The following ATAD2 variants were observed in gnomAD, a reference collection of about 807,000 sequenced individuals.
ATAD2 encodes ATPase family AAA domain-containing protein 2.
In ATAD2, 62 loss-of-function variants were observed where a neutral mutation model predicts 168.9. The ratio of observed to expected loss-of-function variants is 0.37; its 90% confidence interval spans 0.30 to 0.45. ATAD2 has a LOEUF of 0.45. ATAD2 is among the 20% of genes least tolerant of loss of function. The pLI is 1.00. For missense variants in ATAD2, 1,419 were observed against 1,667.8 expected (o/e 0.85, Z 2.60); for synonymous variants, 613 against 571.6 (o/e 1.07, Z -1.03).
intron 13 of ATAD2, among the ~76,000 whole-genome samples, chr8:123,351,994 C>T (rs543369478): frequency 3.1e-4 from 47 of 152,194 alleles, no homozygotes; most frequent in Non-Finnish European, 3.5e-4. Context: ...GTGATCCACC[C>T]GCCTTGGCCT....
In ATAD2 at chr8:123,322,975, C is replaced by T. The variant is rs111422836; in HGVS notation, c.4094G>A (p.Arg1365Gln). ...LYAVISQCIYRHRKDHDKTSL... is the reference protein window; with the variant it reads ...LYAVISQCIYQHRKDHDKTSL... ...TGTTTTATCATGGTCCTTGCGATGC[C>T]GATAAATACATTGGCTGATTACTGC... Residue 1365 changes from arginine (R) to glutamine (Q), a missense_variant, in exon 27 of 28, where the codon CGG becomes CAG. Transcript: ENST00000287394. 5.8e-5 allele frequency: 93 copies of T among 1,613,518 alleles called. No homozygotes were observed. Among genetic ancestry groups the T allele is most frequent in the Admixed American group, 8.3e-5 (5 of 59,970 alleles).
chr8:123,411,684 C>T lies in ATAD2; in HGVS notation c.-2282+4564G>A, dbSNP rs142773020. ...TAAACCCAGGCATTTGAGCTGGCAA[C>T]GGCAACCCCCTTTGGGTCCCCTCCC... is the stretch of plus-strand genomic sequence containing the variant. On this transcript the variant is annotated intron_variant, in intron 1 of 28. Coordinates refer to the ATAD2 transcript ENST00000521903. Among the ~76,000 whole-genome samples, 380 of 152,218 alleles carry T rather than the reference C, an allele frequency of 2.5e-3. 3 individuals carry two copies. Among genetic ancestry groups the T allele is most frequent in the African/African-American group, 8.4e-3 (350 of 41,508 alleles).
chr8:123,382,053 C>T (rs1829508323), intron 1 of ATAD2, among the ~76,000 whole-genome samples: 1 of 152,092 alleles, frequency 6.6e-6, no homozygotes, highest in East Asian at 1.9e-4. Context: ...CACAAACAAA[C>T]AAACAAACAA....
At chr8:123,339,532 T>G in intron 19 of ATAD2, 86 bp from the exon 20 acceptor site, 1 of 1,264,852 alleles carries the variant, frequency 7.9e-7, no homozygotes, top group Non-Finnish European at 1.1e-6. Flanking sequence ...TTTTAGACTT[T>G]ACAGCAGCAT....
chr8:123,325,807 T>C, intron 26 of ATAD2, 86 bp downstream of exon 26: 1 of 1,501,644 alleles, frequency 6.7e-7, no homozygotes, highest in South Asian at 1.2e-5. Context: ...GTAAATCCCA[T>C]GTAGCCAGAA....
upstream of ATAD2, chr8:123,400,789 A>G (rs566800828): frequency 5.2e-4 from 455 of 880,028 alleles, 3 homozygotes; most frequent in Non-Finnish European, 7.4e-4. The surrounding 1 kb of genome is among the most constrained non-coding windows in gnomAD (Gnocchi z 4.5). Flanking sequence ...CTCCATGGAC[A>G]CTGTGACAGA....
At chr8:123,413,141 T>G (rs879458668) in intron 1 of ATAD2, among the ~76,000 whole-genome samples, 1 of 151,818 alleles carries the variant, frequency 6.6e-6, no homozygotes, top group Admixed American at 6.6e-5. Context: ...CTTAGATAAC[T>G]GCCAGCTAGC....
chr8:123,390,398 A>G (rs1829796429), intron 1 of ATAD2, among the ~76,000 whole-genome samples: 1 of 152,106 alleles, frequency 6.6e-6, no homozygotes, highest in South Asian at 2.1e-4. Context: ...TCCCACATAA[A>G]GCTGTAACCT....
Position 123,321,179 on chromosome 8 carries a change from G to A in ATAD2, c.4132-4C>T, listed in dbSNP as rs369320146. On this transcript the variant is annotated splice_polypyrimidine_tract_variant and splice_region_variant and intron_variant, in intron 27 of 27. Coordinates refer to ENST00000287394, the MANE Select transcript of ATAD2 (RefSeq NM_014109.4). ...TTTCTACCTCTTGCTCCATTTTCTAGATAAAGGGGAGGAAGAGCAAATAGT... is the reference window on the plus strand; with the variant it reads ...TTTCTACCTCTTGCTCCATTTTCTAAATAAAGGGGAGGAAGAGCAAATAGT... 27 of 1,606,784 alleles carry A rather than the reference G, an allele frequency of 1.7e-5. No homozygotes were observed. Among genetic ancestry groups the A allele is most frequent in the Non-Finnish European group, 2.1e-5 (25 of 1,177,714 alleles).
At chr8:123,407,432 A>C (rs950692101) in intron 1 of ATAD2, among the ~76,000 whole-genome samples, 1 of 152,148 alleles carries the variant, frequency 6.6e-6, no homozygotes, top group African/African-American at 2.4e-5. Flanking sequence ...AATAATAATA[A>C]GGCAGTAGAG....
chr8:123,370,961 T>C lies in ATAD2; in HGVS notation c.669A>G (p.Lys223=). Residue 223 remains lysine, a synonymous_variant, in exon 6 of 28, where the codon AAA becomes AAG. Coordinates refer to ENST00000287394, the MANE Select transcript of ATAD2 (RefSeq NM_014109.4). ...CATCAGTTCTTTGAATATCTTTCTGTTTTCCTCTTGTGTACATATTAAGAT... is the reference window on the plus strand; with the variant it reads ...CATCAGTTCTTTGAATATCTTTCTGCTTTCCTCTTGTGTACATATTAAGAT... ...ESNLNMYTRG[K]QKDIQRTDEE... is the part of the protein sequence containing the mutation. 6.2e-7 allele frequency: 1 copy of C among 1,606,532 alleles called. No individual in the cohort carries two copies. The highest frequency in any genetic ancestry group is 2.2e-5 in the East Asian group (1 of 44,626).
intron 1 of ATAD2, among the ~76,000 whole-genome samples, chr8:123,393,462 T>A (rs1451262540): frequency 1.3e-5 from 2 of 150,186 alleles, no homozygotes; most frequent in Admixed American, 6.6e-5. Flanking sequence ...GTGAGCCACG[T>A]TGGTGCCACT....
intron 20 of ATAD2, among the ~76,000 whole-genome samples, chr8:123,338,192 T>C (rs920555307): frequency 2.0e-5 from 3 of 152,070 alleles, no homozygotes; most frequent in African/African-American, 7.2e-5. Context: ...CGGTCTCTAC[T>C]AAAAATACAA....
chr8:123,325,087 A>G (rs1827572473), intron 26 of ATAD2, among the ~76,000 whole-genome samples: 1 of 149,544 alleles, frequency 6.7e-6, no homozygotes, highest in East Asian at 1.9e-4. Context: ...TTAAAAAATA[A>G]TAGTAATAAT....
At chr8:123,376,649 CTGT>C (rs1829325418) in intron 2 of ATAD2, among the ~76,000 whole-genome samples, 1 of 151,982 alleles carries the variant, frequency 6.6e-6, no homozygotes, top group Non-Finnish European at 1.5e-5. Flanking sequence ...TCTCAATAAA[CTGT>C]TATTAAGAAA....
At chr8:123,327,809 T>C (rs1472833863) in intron 25 of ATAD2, among the ~76,000 whole-genome samples, 1 of 152,208 alleles carries the variant, frequency 6.6e-6, no homozygotes, top group African/African-American at 2.4e-5. Context: ...CATAGCAGAC[T>C]CTTATCTTGC....
intron 1 of ATAD2, among the ~76,000 whole-genome samples, chr8:123,405,260 CT>C (rs34575964): frequency 3.9e-4 from 56 of 143,200 alleles, no homozygotes; most frequent in Non-Finnish European, 2.9e-4. Flanking sequence ...TTCTTTCTTT[CT>C]TTTTTTTTTT....
In ATAD2 at chr8:123,371,355, T is replaced by C. The variant is rs769129143; in HGVS notation, c.537-17A>G. ...TCAGCAGTGCTTTAAAAAAAAGATATAAATGTAAGTGAAAATTGTAAAAGA... is the reference window on the plus strand; with the variant it reads ...TCAGCAGTGCTTTAAAAAAAAGATACAAATGTAAGTGAAAATTGTAAAAGA... On this transcript the variant is annotated splice_polypyrimidine_tract_variant and intron_variant, in intron 4 of 27. Coordinates refer to ENST00000287394, the MANE Select transcript of ATAD2 (RefSeq NM_014109.4). 9 of 1,553,172 alleles carry C rather than the reference T, an allele frequency of 5.8e-6. No individual in the cohort carries two copies. In the South Asian group the frequency reaches 8.8e-5, roughly 15 times the overall value.
chr8:123,415,169 T>C (rs1174713860), intron 1 of ATAD2, among the ~76,000 whole-genome samples: 1 of 152,216 alleles, frequency 6.6e-6, no homozygotes, highest in African/African-American at 2.4e-5. Context: ...GATGCTTAGT[T>C]TCGCTGGATA....
Sources: gnomAD v4.1 joint callset for allele counts (sites outside exome capture counted in the v4.1 genomes callset) on GRCh38, gnomAD v4.1.1 for gene constraint, Gnocchi (gnomAD v3.1) non-coding constraint, MANE v1.5 for transcripts, NCBI Gene and HGNC (gene_info 2026-07-23, HGNC 2026-07-21) for gene names.